Variants in SPTLC1 observed in about 807,000 individuals in gnomAD.
The protein encoded by SPTLC1 is serine palmitoyltransferase long chain base subunit 1, also known as serine palmitoyltransferase 1.
SPTLC1 carries 55 observed loss-of-function variants against 68.9 expected under a neutral mutation model. That is an observed-to-expected ratio of 0.80 (90% CI 0.64 to 1.00). The LOEUF (loss-of-function observed/expected upper bound fraction) is 1.00. Among genes scored for constraint, SPTLC1 ranks in the 50% least tolerant of loss-of-function variants. The pLI is 0.00. For synonymous variants in SPTLC1, 197 were observed against 201.6 expected (o/e 0.98, Z 0.19); for missense variants, 449 against 573.1 (o/e 0.78, Z 2.21).
At chr9:92,069,024 G>A (rs1287995218) in intron 5 of SPTLC1, among the ~76,000 whole-genome samples, 2 of 152,164 alleles carry the variant, frequency 1.3e-5, no homozygotes. Context: ...TGTGGAGAGC[G>A]CTCGAAGAAG....
At chr9:92,088,544 A>C (rs1305801344) in intron 3 of SPTLC1, among the ~76,000 whole-genome samples, 1 of 152,260 alleles carries the variant, frequency 6.6e-6, no homozygotes, top group Non-Finnish European at 1.5e-5. Context: ...AGTCACAAAA[A>C]GATTAAAAAC....
chr9:92,059,136 A>G, intron 7 of SPTLC1, 43 bp downstream of exon 7: 2 of 1,604,810 alleles, frequency 1.2e-6, no homozygotes, highest in South Asian at 2.2e-5. Flanking sequence ...AGCTGGTTAG[A>G]AAGTACAAAA....
At chr9:92,087,036 A>G (rs12501376) in intron 3 of SPTLC1, among the ~76,000 whole-genome samples, 3 of 151,770 alleles carry the variant, frequency 2.0e-5, no homozygotes, top group Non-Finnish European at 2.9e-5. Context: ...TGATCGCATC[A>G]GCTCCTGAGG....
chr9:92,102,741 GAAAC>G (rs1835802219), intron 3 of SPTLC1, among the ~76,000 whole-genome samples: 1 of 152,124 alleles, frequency 6.6e-6, no homozygotes, highest in African/African-American at 2.4e-5. Flanking sequence ...AATAAAAAAA[GAAAC>G]AAAAGATCTA....
At chr9:92,103,038 T>C (rs897492340) in intron 3 of SPTLC1, among the ~76,000 whole-genome samples, 13 of 152,238 alleles carry the variant, frequency 8.5e-5, no homozygotes, top group African/African-American at 3.1e-4. Context: ...ATCCAATATA[T>C]TGATCTACTA....
intron 11 of SPTLC1, 176 bp from the exon 12 acceptor site, chr9:92,046,229 G>A (rs76273355): frequency 7.6e-5 from 48 of 633,596 alleles, no homozygotes; most frequent in South Asian, 3.8e-4. Context: ...TCTCTGGTGC[G>A]TGCTAACTGG....
At chr9:92,109,858 G>C (rs192028312) in intron 2 of SPTLC1, 1 of 152,504 alleles carries the variant, frequency 6.6e-6, no homozygotes, top group Non-Finnish European at 1.5e-5. Context: ...TATAATCCCA[G>C]CTACTCGGGA....
chr9:92,102,647 A>G (rs938616006), intron 3 of SPTLC1, among the ~76,000 whole-genome samples: 39 of 152,216 alleles, frequency 2.6e-4, no homozygotes, highest in Non-Finnish European at 5.1e-4. Context: ...GAGTAACCAG[A>G]GAAAAAAATT....
intron 3 of SPTLC1, among the ~76,000 whole-genome samples, chr9:92,085,768 C>A (rs1835098091): frequency 6.6e-6 from 1 of 152,116 alleles, no homozygotes; most frequent in Admixed American, 6.5e-5. Context: ...CCCCTTGGTG[C>A]AGAGCTCAGT....
At chr9:92,064,510 G>A (rs554679926) in intron 6 of SPTLC1, among the ~76,000 whole-genome samples, 3 of 152,180 alleles carry the variant, frequency 2.0e-5, no homozygotes, top group Non-Finnish European at 4.4e-5. Context: ...TCTTGCTGAT[G>A]GGAACATAAA....
chr9:92,089,362 G>A (rs995542746), intron 3 of SPTLC1, among the ~76,000 whole-genome samples: 1 of 152,114 alleles, frequency 6.6e-6, no homozygotes, highest in African/African-American at 2.4e-5. Flanking sequence ...GCAGTGAGTC[G>A]AGATTGTGCC....
chr9:92,057,000 A>G (rs1833915570), intron 7 of SPTLC1, among the ~76,000 whole-genome samples: 1 of 152,216 alleles, frequency 6.6e-6, no homozygotes. Flanking sequence ...AAAATATTCA[A>G]TGTAGGATTC....
chr9:92,081,343 G>A (rs1403441307), intron 3 of SPTLC1, among the ~76,000 whole-genome samples: 2 of 152,166 alleles, frequency 1.3e-5, no homozygotes, highest in African/African-American at 4.8e-5. Flanking sequence ...AAGATCAAAG[G>A]CAAGAATAGG....
intron 3 of SPTLC1, among the ~76,000 whole-genome samples, chr9:92,087,122 G>T (rs1835173296): frequency 6.6e-6 from 1 of 151,974 alleles, no homozygotes; most frequent in South Asian, 2.1e-4. Flanking sequence ...CTCTGTATTG[G>T]TTATTCTAGT....
At chr9:92,096,680 A>G (rs1380915272) in intron 3 of SPTLC1, among the ~76,000 whole-genome samples, 2 of 152,208 alleles carry the variant, frequency 1.3e-5, no homozygotes, top group African/African-American at 4.8e-5. Flanking sequence ...ATATACAAAA[A>G]TTAACTTGAA....
chr9:92,096,995 T>C (rs1006998546), intron 3 of SPTLC1, among the ~76,000 whole-genome samples: 41 of 152,244 alleles, frequency 2.7e-4, no homozygotes, highest in Non-Finnish European at 3.5e-4. Context: ...GAACCCCCAA[T>C]TGAAAACAGC....
intron 3 of SPTLC1, among the ~76,000 whole-genome samples, chr9:92,098,685 T>G (rs1835632022): frequency 6.6e-6 from 1 of 150,700 alleles, no homozygotes; most frequent in African/African-American, 2.5e-5. Context: ...ATAAAAAATT[T>G]TAAGATGTGT....
chr9:92,080,064 T>C lies in SPTLC1; in HGVS notation c.379A>G (p.Lys127Glu), dbSNP rs1321178337. 6.2e-7 allele frequency: 1 copy of C among 1,614,006 alleles called. No individual in the cohort carries two copies. The highest frequency in any genetic ancestry group is 8.5e-7 in the Non-Finnish European group (1 of 1,179,872). Reference protein sequence around the residue: ...VKAAALASLKKYGVGTCGPRG... With the variant: ...VKAAALASLKEYGVGTCGPRG... ...GGTCCACAAGTCCCCACGCCATACT[T>C]CTTTAGAGATGCTAAAGCTGCTGCC... The change falls in exon 5 of 15, where the codon AAG becomes GAG. Residue 127 changes from lysine to glutamate, a missense_variant. Around this residue, in one of 3 missense-constraint regions of SPTLC1, gnomAD observed 391 missense variants for 472.1 expected, o/e 0.83. Transcript: ENST00000262554.
chr9:92,074,037 C>T (rs1490396765), intron 5 of SPTLC1, among the ~76,000 whole-genome samples: 1 of 152,010 alleles, frequency 6.6e-6, no homozygotes, highest in Non-Finnish European at 1.5e-5. Flanking sequence ...GAGTACAAAC[C>T]CGAAATGACC....
Sources: allele counts gnomAD v4.1 joint callset (sites outside exome capture counted in the v4.1 genomes callset), GRCh38; gene constraint gnomAD v4.1.1; regional missense constraint gnomAD v4.1.1; transcripts MANE v1.5; gene names NCBI Gene and HGNC (gene_info 2026-07-23, HGNC 2026-07-21).